The following MECOM variants were observed in gnomAD, a reference collection of about 807,000 sequenced individuals.
MECOM encodes the protein MDS1 and EVI1 complex locus, also known as histone-lysine N-methyltransferase MECOM.
Under a neutral mutation model 116.3 loss-of-function variants are expected in MECOM, and 13 were observed. The ratio of observed to expected loss-of-function variants is 0.11; its 90% CI spans 0.07 to 0.18. The LOEUF is 0.18. Ranked by LOEUF, MECOM falls within the 10% of genes least tolerant of loss-of-function variation. The pLI is 1.00. For missense variants in MECOM, 1,299 were observed against 1,509.0 expected, an observed-to-expected ratio of 0.86 and a Z score of 2.31; for synonymous variants, 528 against 535.2, an observed-to-expected ratio of 0.99 and a Z score of 0.19.
intron 2 of MECOM, among the ~76,000 whole-genome samples, chr3:169,233,193 T>C (rs904314148): frequency 2.0e-5 from 3 of 152,172 alleles, no homozygotes; most frequent in African/African-American, 7.2e-5. Context: ...AAGGATTCTC[T>C]TTAGAATACC....
intron 1 of MECOM, among the ~76,000 whole-genome samples, chr3:169,465,239 T>C (rs1395571094): frequency 6.6e-6 from 1 of 152,226 alleles, no homozygotes; most frequent in Non-Finnish European, 1.5e-5. Context: ...ATCTCAGCTT[T>C]GTCACTAATT....
chr3:169,304,465 A>G (rs577633787), intron 2 of MECOM, among the ~76,000 whole-genome samples: 2 of 152,324 alleles, frequency 1.3e-5, no homozygotes, highest in Non-Finnish European at 1.5e-5. Flanking sequence ...AATTTAATTT[A>G]AAGGATCTAA....
intron 1 of MECOM, among the ~76,000 whole-genome samples, chr3:169,636,046 A>T (rs1001842983): frequency 6.6e-6 from 1 of 152,214 alleles, no homozygotes; most frequent in Non-Finnish European, 1.5e-5. Context: ...TATATTGGCC[A>T]TATACCCCGG....
intron 1 of MECOM, among the ~76,000 whole-genome samples, chr3:169,488,372 C>CAAAAAAAAAAAAAAAAAA (rs758493062): frequency 1.6e-5 from 1 of 62,394 alleles, no homozygotes. Flanking sequence ...ACTAAAAATA[C>CAAAAAAAAAAAAAAAAAA]AAAAAAAAAA....
intron 2 of MECOM, among the ~76,000 whole-genome samples, chr3:169,228,236 G>C (rs917853849): frequency 1.3e-5 from 2 of 152,156 alleles, no homozygotes; most frequent in African/African-American, 4.8e-5. Context: ...AATTATCTCT[G>C]GTGGTTTTGC....
intron 1 of MECOM, among the ~76,000 whole-genome samples, chr3:169,574,070 T>C (rs957709608): frequency 6.6e-6 from 1 of 152,252 alleles, no homozygotes; most frequent in African/African-American, 2.4e-5. Flanking sequence ...TTTTATGCTG[T>C]TTATTTGAAA....
intron 3 of MECOM, among the ~76,000 whole-genome samples, chr3:169,135,197 G>T (rs1020700345): frequency 1.3e-5 from 2 of 151,970 alleles, no homozygotes; most frequent in African/African-American, 4.8e-5. Context: ...AAATGGAAGG[G>T]AGTCAATTAA....
chr3:169,550,577 T>A (rs1373281362), intron 1 of MECOM, among the ~76,000 whole-genome samples: 1 of 152,224 alleles, frequency 6.6e-6, no homozygotes, highest in Non-Finnish European at 1.5e-5. Context: ...ATTACCTGCT[T>A]GTGCTTAAGA....
At chr3:169,367,266 G>C (rs1209605983) in intron 2 of MECOM, among the ~76,000 whole-genome samples, 1 of 152,044 alleles carries the variant, frequency 6.6e-6, no homozygotes. Context: ...GAAATATACA[G>C]GGATAGTGGA....
chr3:169,263,106 TA>T lies in MECOM; in HGVS notation c.375+118080del, dbSNP rs1560060897. Among the ~76,000 whole-genome samples, 14 of 99,346 alleles carry T rather than the reference TA, an allele frequency of 1.4e-4. 1 individual carries two copies. The highest frequency in any genetic ancestry group is 2.8e-4 in the East Asian group (1 of 3,582). The allele number at this position is 99,346 out of a possible 152,430, so 65.2% of individuals were successfully genotyped here. ...ATATATATATATATATATATATATA[TA>T]TATATATATATATATATATATGTTT... On this transcript the variant is annotated intron_variant, in intron 2 of 16. Coordinates refer to ENST00000651503, the MANE Select transcript of MECOM (RefSeq NM_004991.4).
intron 3 of MECOM, among the ~76,000 whole-genome samples, chr3:169,138,305 G>T (rs1021831411): frequency 3.9e-5 from 6 of 152,092 alleles, no homozygotes; most frequent in African/African-American, 1.4e-4. Context: ...AACTTATGCA[G>T]TTTGTGAATC....
intron 2 of MECOM, among the ~76,000 whole-genome samples, chr3:169,378,224 T>C (rs1426685229): frequency 6.6e-6 from 1 of 151,080 alleles, no homozygotes; most frequent in Non-Finnish European, 1.5e-5. Flanking sequence ...CTAATGTAGA[T>C]GACGGGTTGA....
chr3:169,113,850 T>A (rs1163421069), intron 8 of MECOM, among the ~76,000 whole-genome samples: 6 of 152,126 alleles, frequency 3.9e-5, no homozygotes, highest in African/African-American at 1.2e-4. Flanking sequence ...GCTTTTTTTT[T>A]AAGTCTCAGA....
rs78719646 is a variant in MECOM at position 169,290,116 on chromosome 3, T to C, written c.375+91071A>G. Among the ~76,000 whole-genome samples, 48 of 152,256 alleles carry C rather than the reference T, an allele frequency of 3.2e-4. No individual in the cohort carries two copies. The East Asian group carries it at 7.5e-3, about 24-fold the overall frequency. ...CCCTAAACAATAGTGTTGGAGAGAA[T>C]AGATGCTTTAATATGTCCAAATAAA... is the stretch of plus-strand genomic sequence containing the variant. On this transcript the variant is annotated intron_variant, in intron 2 of 16. Transcript: ENST00000651503.
chr3:169,310,418 C>T (rs879256406), intron 2 of MECOM, among the ~76,000 whole-genome samples: 2 of 152,160 alleles, frequency 1.3e-5, no homozygotes, highest in Non-Finnish European at 2.9e-5. Flanking sequence ...GTGTCTCAAC[C>T]TAATAGTTTT....
intron 1 of MECOM, among the ~76,000 whole-genome samples, chr3:169,542,808 A>T (rs773970615): frequency 1.3e-5 from 2 of 152,338 alleles, no homozygotes; most frequent in South Asian, 4.1e-4. Flanking sequence ...TTCAGACATA[A>T]GTATTCTGGG....
At chr3:169,368,787 G>A (rs1303160815) in intron 2 of MECOM, among the ~76,000 whole-genome samples, 1 of 151,940 alleles carries the variant, frequency 6.6e-6, no homozygotes, top group East Asian at 1.9e-4. Context: ...TATTAAAAGA[G>A]GCTCTTTCCT....
intron 2 of MECOM, among the ~76,000 whole-genome samples, chr3:169,181,699 C>T (rs546003822): frequency 3.7e-4 from 57 of 152,250 alleles, no homozygotes; most frequent in African/African-American, 1.4e-3. Context: ...GACAGTGTGA[C>T]CCAGAGGTCC....
intron 1 of MECOM, among the ~76,000 whole-genome samples, chr3:169,433,905 A>T (rs1180147032): frequency 6.6e-6 from 1 of 152,162 alleles, no homozygotes; most frequent in Non-Finnish European, 1.5e-5. Flanking sequence ...TCTAGAGAAA[A>T]ATCCTACTTC....
Sources: allele counts gnomAD v4.1 joint callset (sites outside exome capture counted in the v4.1 genomes callset), GRCh38; gene constraint gnomAD v4.1.1; transcripts MANE v1.5; gene names NCBI Gene and HGNC (gene_info 2026-07-23, HGNC 2026-07-21).